Variants in ARHGAP27 observed in about 807,000 individuals in gnomAD.
ARHGAP27 encodes Rho GTPase activating protein 27, also known as rho GTPase-activating protein 27.
ARHGAP27 carries 53 observed loss-of-function variants against 102.0 expected under a neutral mutation model. The observed-to-expected ratio is 0.52, with a 90% confidence interval of 0.42 to 0.65. The LOEUF is 0.65. Among genes scored for constraint, ARHGAP27 ranks in the 30% least tolerant of loss-of-function variants. The pLI is 0.00. For synonymous variants in ARHGAP27, 525 were observed against 542.8 expected (o/e 0.97, Z 0.46); for missense variants, 1,117 against 1,256.2 (o/e 0.89, Z 1.68).
Position 45,405,028 on chromosome 17 carries a change from C to A in ARHGAP27, c.1144G>T (p.Gly382Cys). Reference sequence around the variant, plus strand: ...AAGGGAGAGGTAGGGCCGGGCTCACCGAAAGAGCCCACGGGAGAATAGTCC... The same window carrying A: ...AAGGGAGAGGTAGGGCCGGGCTCACAGAAAGAGCCCACGGGAGAATAGTCC... The part of the protein sequence containing the change: ...EEDYSPVGSF[G>C]EPGPTSPLTT... The change falls in exon 6 of 20, where the codon GGT (glycine) becomes TGT (cysteine). Residue 382 changes from glycine (G) to cysteine (C), a missense_variant. Transcript: ENST00000685559. 2 of 1,613,662 alleles carry A rather than the reference C, an allele frequency of 1.2e-6. No homozygotes were observed. The highest frequency in any genetic ancestry group is 1.7e-6 in the Non-Finnish European group (2 of 1,179,820).
chr17:45,410,485 C>T, intron 4 of ARHGAP27: 1 of 1,269,498 alleles, frequency 7.9e-7, no homozygotes, highest in Non-Finnish European at 1.0e-6. Flanking sequence ...GTGGAGGGGC[C>T]TCAGGTTGAG....
In ARHGAP27 at chr17:45,404,298, C is replaced by T. The variant is rs1379439446; in HGVS notation, c.1450G>A (p.Glu484Lys). ...AELDEVGSWE[E>K]VSPATAAVRT... is the part of the protein sequence containing the mutation. Reference sequence around the variant, plus strand: ...ACAGCAGCTGTGGCAGGAGAGACTTCCTCCCAGCTCCCAACCTCATCCAGC... The same window carrying T: ...ACAGCAGCTGTGGCAGGAGAGACTTTCTCCCAGCTCCCAACCTCATCCAGC... Residue 484 changes from glutamate to lysine, a missense_variant, in exon 9 of 20, where the codon GAA (glutamate) becomes AAA (lysine). Physicochemically the swap from Glu to Lys is moderately conservative, Grantham distance 56 (BLOSUM62 1). Coordinates refer to ENST00000685559, the MANE Select transcript of ARHGAP27 (RefSeq NM_001282290.2). The T allele has an allele frequency of 3.7e-6, 6 of 1,613,940 alleles. No individual in the cohort carries two copies. Among genetic ancestry groups the T allele is most frequent in the Non-Finnish European group, 5.1e-6 (6 of 1,179,992 alleles).
chr17:45,397,178 A>G, intron 13 of ARHGAP27, 154 bp from the exon 14 acceptor site: 1 of 1,439,706 alleles, frequency 6.9e-7, no homozygotes, highest in Non-Finnish European at 9.1e-7. Flanking sequence ...AACTCTCCTT[A>G]CCTCCACCAG....
chr17:45,404,468 G>C lies in ARHGAP27; in HGVS notation c.1390C>G (p.Gln464Glu). ...ACCTTCTCCTCTGGAGGGCTGGCCT[G>C]GGCTGGGGTGTCACCATCCTGGCTG... ...KSSQDGDTPA[Q>E]ASPPEEKVPA... is the part of the protein sequence containing the mutation. Residue 464 changes from glutamine to glutamate, a missense_variant, in exon 8 of 20, where the codon CAG becomes GAG. Around this residue, in one of 3 missense-constraint regions of ARHGAP27, gnomAD observed 610 missense variants for 716.4 expected, o/e 0.85. Transcript: ENST00000685559. The C allele has an allele frequency of 6.2e-7, 1 of 1,613,924 alleles. No homozygotes were observed. Among genetic ancestry groups the C allele is most frequent in the East Asian group, 2.2e-5 (1 of 44,886 alleles).
intron 4 of ARHGAP27, among the ~76,000 whole-genome samples, chr17:45,415,784 G>T (rs1480411224): frequency 6.6e-6 from 1 of 152,176 alleles, no homozygotes; most frequent in Non-Finnish European, 1.5e-5. Context: ...GCAGGGCAAT[G>T]AGTCAATGTC....
Position 45,396,769 on chromosome 17 carries a change from A to C in ARHGAP27, c.1973T>G (p.Val658Gly). ...PNAAAPALGP[V>G]GLESDLSKVR... ...CTTGCTCAAGTCGCTCTCCAGGCCC[A>C]CGGGGCCCAGGGCGGGCGCGGCTGC... The change falls in exon 15 of 20, where the codon GTG becomes GGG. Residue 658 changes from valine to glycine, a missense_variant. Around this residue, in one of 3 missense-constraint regions of ARHGAP27, gnomAD observed 493 missense variants for 505.5 expected, o/e 0.98. Transcript: ENST00000685559. The C allele has an allele frequency of 6.2e-7, 1 of 1,613,032 alleles. No individual in the cohort carries two copies. The highest frequency in any genetic ancestry group is 8.5e-7 in the Non-Finnish European group (1 of 1,179,466).
chr17:45,402,087 G>A (rs563676027), intron 12 of ARHGAP27, among the ~76,000 whole-genome samples: 7 of 152,316 alleles, frequency 4.6e-5, no homozygotes, highest in South Asian at 2.1e-4. Context: ...CCCTTCCTGC[G>A]GGGGTAGCAT....
chr17:45,416,857 T>C (rs1456910662), intron 4 of ARHGAP27, among the ~76,000 whole-genome samples: 1 of 148,970 alleles, frequency 6.7e-6, no homozygotes, highest in Non-Finnish European at 1.5e-5. Context: ...TGTATTCATT[T>C]CTTAAAAATA....
intron 4 of ARHGAP27, among the ~76,000 whole-genome samples, chr17:45,417,869 C>G (rs12952504): frequency 0.14 from 21,104 of 151,660 alleles, 1,729 homozygotes; most frequent in Middle Eastern, 0.23. Flanking sequence ...ATGGCTAACA[C>G]GGTGAAACCC....
chr17:45,431,989 C>T (rs907485697), intron 2 of ARHGAP27, among the ~76,000 whole-genome samples: 5 of 147,192 alleles, frequency 3.4e-5, no homozygotes, highest in African/African-American at 1.2e-4. Context: ...CCCCGCTCCG[C>T]CTTCCCCCTC....
chr17:45,404,011 G>A lies in ARHGAP27; in HGVS notation c.1547+18C>T. On this transcript the variant is annotated intron_variant, in intron 10 of 19. Transcript: ENST00000685559. Reference sequence around the variant, plus strand: ...CAAGGCCCACCCTGCCCCGGCCTGAGTGTAGATGGGCTCTCACCGGAGCCG... The same window carrying A: ...CAAGGCCCACCCTGCCCCGGCCTGAATGTAGATGGGCTCTCACCGGAGCCG... 1 of 1,613,726 alleles carries A rather than the reference G, an allele frequency of 6.2e-7. No individual in the cohort carries two copies. Among genetic ancestry groups the A allele is most frequent in the East Asian group, 2.2e-5 (1 of 44,884 alleles).
chr17:45,421,204 C>T (rs183786871), intron 4 of ARHGAP27, among the ~76,000 whole-genome samples: 177 of 146,892 alleles, frequency 1.2e-3, no homozygotes, highest in Middle Eastern at 3.4e-3. Context: ...ACAGTCCGGG[C>T]GCAGTGGCTC....
At chr17:45,397,274 A>C in intron 13 of ARHGAP27, 1 of 1,373,922 alleles carries the variant, frequency 7.3e-7, no homozygotes, top group Non-Finnish European at 9.4e-7. Context: ...ACCCCTTCCT[A>C]TCCTGGGGAC....
intron 13 of ARHGAP27, chr17:45,397,245 A>G (rs2045864322): frequency 7.1e-7 from 1 of 1,410,262 alleles, no homozygotes; most frequent in Non-Finnish European, 9.2e-7. Flanking sequence ...GTGCAGAGAC[A>G]GTCATCCTGT....
At chr17:45,425,521 A>G (rs2049507049) in intron 4 of ARHGAP27, 2 of 978,252 alleles carry the variant, frequency 2.0e-6, no homozygotes, top group African/African-American at 3.5e-5. Context: ...GATTGGGGAA[A>G]CTGCTGTGGC....
chr17:45,395,132 T>G lies in ARHGAP27; in HGVS notation c.*324A>C. 1 of 403,896 alleles carries G rather than the reference T, an allele frequency of 2.5e-6. No individual in the cohort carries two copies. Among genetic ancestry groups the G allele is most frequent in the Non-Finnish European group, 4.5e-6 (1 of 222,572 alleles). The allele number at this position is 403,896 out of a possible 1,614,324, so 25.0% of individuals were successfully genotyped here. ...AAACTCCTCCTCCCAGCACCTACCATTCCAGAAAACAAACTCTCACCCCCA... is the reference window on the plus strand; with the variant it reads ...AAACTCCTCCTCCCAGCACCTACCAGTCCAGAAAACAAACTCTCACCCCCA... On this transcript the variant is annotated 3_prime_UTR_variant, in exon 20 of 20. Transcript: ENST00000685559.
At chr17:45,424,946 A>T (rs1399192593) in intron 4 of ARHGAP27, among the ~76,000 whole-genome samples, 1 of 139,876 alleles carries the variant, frequency 7.1e-6, no homozygotes, top group African/African-American at 2.7e-5. Context: ...AAGGACTAAG[A>T]GGTGAGAGCC....
chr17:45,402,732 A>C lies in ARHGAP27; in HGVS notation c.1725T>G (p.Ser575Arg), dbSNP rs17630935. ...TLSWAPKDKS[S>R]RKNVLELRSR... is the part of the protein sequence containing the mutation. The stretch of plus-strand genomic sequence containing the variant: ...CACTCACCTCCAGCACATTCTTCCT[A>C]CTGGATTTGTCTTTGGGGGCCCAGG... Residue 575 changes from serine (S) to arginine (R), a missense_variant, in exon 12 of 20, where the codon AGT becomes AGG. Coordinates refer to ENST00000685559, the MANE Select transcript of ARHGAP27 (RefSeq NM_001282290.2). The C allele has an allele frequency of 6.2e-7, 1 of 1,611,898 alleles. No homozygotes were observed. The highest frequency in any genetic ancestry group is 1.7e-5 in the Admixed American group (1 of 59,944).
chr17:45,421,340 G>A (rs1294347851), intron 4 of ARHGAP27, among the ~76,000 whole-genome samples: 5 of 150,914 alleles, frequency 3.3e-5, no homozygotes, highest in Non-Finnish European at 7.4e-5. Context: ...AAATTAGCTG[G>A]GCACGGTGGC....
Sources: allele counts gnomAD v4.1 joint callset (sites outside exome capture counted in the v4.1 genomes callset), GRCh38; gene constraint gnomAD v4.1.1; regional missense constraint gnomAD v4.1.1; transcripts MANE v1.5; gene names NCBI Gene and HGNC (gene_info 2026-07-23, HGNC 2026-07-21).